The following SNAP29 variants were observed in gnomAD, a reference collection of about 807,000 sequenced individuals.
The protein encoded by SNAP29 is synaptosome associated protein 29, also known as synaptosomal-associated protein 29.
A neutral mutation model predicts 27.9 loss-of-function variants in SNAP29; 13 were observed. That is an observed-to-expected ratio of 0.47 (90% CI 0.30 to 0.74). The LOEUF is 0.74. SNAP29 is among the 30% of genes least tolerant of loss of function. The probability of loss-of-function intolerance (pLI) is 0.06; values close to 1 mark genes in which losing one functional copy is unlikely to be tolerated. For missense variants in SNAP29, 368 were observed against 336.5 expected (o/e 1.09, Z -0.73); for synonymous variants, 119 against 127.1 (o/e 0.94, Z 0.43).
chr22:20,876,962 C>T (rs1928762601), intron 2 of SNAP29, among the ~76,000 whole-genome samples: 1 of 152,208 alleles, frequency 6.6e-6, no homozygotes, highest in Non-Finnish European at 1.5e-5. Flanking sequence ...TCCTTGCTGA[C>T]AGCTTTCCAA....
chr22:20,877,548 C>T (rs1928777720), intron 2 of SNAP29, among the ~76,000 whole-genome samples: 1 of 151,784 alleles, frequency 6.6e-6, no homozygotes, highest in African/African-American at 2.4e-5. Flanking sequence ...AAGAGCAGAA[C>T]TCCCTCTAAA....
intron 2 of SNAP29, among the ~76,000 whole-genome samples, chr22:20,875,632 C>T (rs780382815): frequency 7.9e-5 from 12 of 152,074 alleles, no homozygotes; most frequent in African/African-American, 1.7e-4. Context: ...CAGGGGAAGC[C>T]GGGATGAAGG....
At chr22:20,887,605 C>T (rs1488300956) in intron 4 of SNAP29, 74 bp from the exon 5 acceptor site, 8 of 1,535,132 alleles carry the variant, frequency 5.2e-6, no homozygotes, top group Middle Eastern at 1.8e-4. Flanking sequence ...TCCCACTTAC[C>T]CACACCATCA....
chr22:20,874,365 A>C (rs1478993161), intron 2 of SNAP29, among the ~76,000 whole-genome samples: 39 of 121,050 alleles, frequency 3.2e-4, no homozygotes, highest in African/African-American at 4.8e-4. Context: ...ACACACACAC[A>C]CACACACACA....
intron 1 of SNAP29, among the ~76,000 whole-genome samples, chr22:20,866,630 A>G (rs959765964): frequency 4.6e-5 from 7 of 152,116 alleles, no homozygotes; most frequent in Non-Finnish European, 4.4e-5. Context: ...TGAAGGCCTT[A>G]GTGACATCCT....
chr22:20,870,451 G>A lies in SNAP29; in HGVS notation c.352G>A (p.Gly118Arg), dbSNP rs1470710751. 6.2e-7 allele frequency: 1 copy of A among 1,614,034 alleles called. No homozygotes were observed. The highest frequency in any genetic ancestry group is 2.2e-5 in the East Asian group (1 of 44,898). ...CAATAGCATTAAGAGCGTGTTTGGG[G>A]GGCTGGTCAATTACTTCAAATCCAA... ...HINSIKSVFG[G>R]LVNYFKSKPV... is the part of the protein sequence containing the mutation. The change falls in exon 2 of 5, where the codon GGG becomes AGG. Residue 118 changes from glycine to arginine, a missense_variant. Coordinates refer to ENST00000215730, the MANE Select transcript of SNAP29 (RefSeq NM_004782.4).
Position 20,878,962 on chromosome 22 carries a change from C to T in SNAP29, c.435-2087C>T, listed in dbSNP as rs182048906. Among the ~76,000 whole-genome samples the T allele has an allele frequency of 2.5e-3, 381 of 152,220 alleles. 1 individual carries two copies. The highest frequency in any genetic ancestry group is 8.7e-3 in the African/African-American group (361 of 41,530). On this transcript the variant is annotated intron_variant, in intron 2 of 4. Transcript: ENST00000215730. ...ATCAAAGATATTTTATAGGGACTTA[C>T]GTGATGAGAAAAAAACATACTTTCA...
At chr22:20,866,220 C>T (rs1174994120) in intron 1 of SNAP29, among the ~76,000 whole-genome samples, 1 of 152,140 alleles carries the variant, frequency 6.6e-6, no homozygotes. Context: ...CCGCCTTTGC[C>T]CTTGGTGGTT....
chr22:20,877,567 T>A (rs1013713675), intron 2 of SNAP29, among the ~76,000 whole-genome samples: 1 of 151,226 alleles, frequency 6.6e-6, no homozygotes, highest in Non-Finnish European at 1.5e-5. Flanking sequence ...AAAAAAAAAA[T>A]TAGCCGGGCG....
rs144561183 is a variant in SNAP29 at position 20,884,633 on chromosome 22, C to T, written c.619+1064C>T. 6.0e-4 allele frequency among the ~76,000 whole-genome samples: 92 copies of T among 152,242 alleles called. 1 individual carries two copies. Among genetic ancestry groups the T allele is most frequent in the East Asian group, 2.5e-3 (13 of 5,184 alleles). On this transcript the variant is annotated intron_variant, in intron 4 of 4. Transcript: ENST00000215730. ...TGTGTTTCCAGGGGGCTGCCCTGGC[C>T]GTTTGTGATTGTGTATCTGCTGGTT... is the stretch of plus-strand genomic sequence containing the variant.
chr22:20,883,420 T>C (rs1257439179), intron 3 of SNAP29, 51 bp from the exon 4 acceptor site: 1 of 1,187,152 alleles, frequency 8.4e-7, no homozygotes, highest in Non-Finnish European at 1.3e-6. Flanking sequence ...TGAAGCAGCA[T>C]TTGAAGGAAT....
chr22:20,871,053 C>T (rs1398957677), intron 2 of SNAP29: 1 of 191,232 alleles, frequency 5.2e-6, no homozygotes, highest in Admixed American at 5.4e-5. Flanking sequence ...CTCATGAGGC[C>T]TGGAGATCAA....
In SNAP29 at chr22:20,883,533, C is replaced by T. The variant is rs1928940113; in HGVS notation, c.583C>T (p.Leu195Phe). The stretch of plus-strand genomic sequence containing the variant: ...TGATGCTTACCCAAAGAACCCACAC[C>T]TTCGAGCCTATCACCAGAAGATCGA... ...STDAYPKNPH[L>F]RAYHQKIDSN... is the part of the protein sequence containing the mutation. Residue 195 changes from leucine (L) to phenylalanine (F), a missense_variant, in exon 4 of 5, where the codon CTT becomes TTT. Transcript: ENST00000215730. 3 of 1,613,552 alleles carry T rather than the reference C, an allele frequency of 1.9e-6. No homozygotes were observed. Among genetic ancestry groups the T allele is most frequent in the East Asian group, 2.2e-5 (1 of 44,868 alleles).
chr22:20,881,033 G>A lies in SNAP29; in HGVS notation c.435-16G>A. On this transcript the variant is annotated splice_polypyrimidine_tract_variant and intron_variant, in intron 2 of 4. Coordinates refer to ENST00000215730, the MANE Select transcript of SNAP29 (RefSeq NM_004782.4). The stretch of plus-strand genomic sequence containing the variant: ...CCTTTTTAAACGTTTTCTTTTTTGT[G>A]AACTTTTATCCAAAGATTGAAAGAA... 6.4e-7 allele frequency: 1 copy of A among 1,562,740 alleles called. No homozygotes were observed. Among genetic ancestry groups the A allele is most frequent in the Non-Finnish European group, 8.8e-7 (1 of 1,133,374 alleles).
intron 1 of SNAP29, among the ~76,000 whole-genome samples, chr22:20,860,482 G>A (rs1928263074): frequency 6.7e-6 from 1 of 148,666 alleles, no homozygotes; most frequent in Admixed American, 6.8e-5. Flanking sequence ...CGATTCTCCT[G>A]CCTCAGCCTC....
chr22:20,870,326 G>T lies in SNAP29; in HGVS notation c.238-11G>T. On this transcript the variant is annotated splice_polypyrimidine_tract_variant and intron_variant, in intron 1 of 4. Transcript: ENST00000215730. ...GAAAGCTATAATGCCACTGCCTCTC[G>T]GTTTCCCCAGGAGCTCGCCCGTCAG... The T allele has an allele frequency of 6.2e-7, 1 of 1,613,928 alleles. No homozygotes were observed. The highest frequency in any genetic ancestry group is 1.1e-5 in the South Asian group (1 of 91,006).
chr22:20,874,174 G>C (rs361713), intron 2 of SNAP29, among the ~76,000 whole-genome samples: 147,622 of 147,624 alleles, frequency 1, 73,810 homozygotes, highest in Middle Eastern at 1. Context: ...ACTCGGGAGG[G>C]TGAGAAATGT....
At chr22:20,866,289 A>G (rs1284037902) in intron 1 of SNAP29, among the ~76,000 whole-genome samples, 1 of 152,222 alleles carries the variant, frequency 6.6e-6, no homozygotes, top group Non-Finnish European at 1.5e-5. Context: ...CAGCTGCCAC[A>G]GTCAGAGCCC....
rs1447303166 is a variant in SNAP29, at chr22:20,889,742, A to C, written c.*1906A>C. ...ATCACCGTCAGGCATAGACTCGTGG[A>C]GATTAGTCATTATAGCTCAGACCTA... On this transcript the variant is annotated 3_prime_UTR_variant, in exon 5 of 5. Transcript: ENST00000215730. The C allele has an allele frequency of 2.0e-5, 3 of 152,218 alleles. No homozygotes were observed. The highest frequency in any genetic ancestry group is 7.2e-5 in the African/African-American group (3 of 41,448). 9.4% of individuals were successfully genotyped at this position (152,218 alleles called of 1,614,324 possible). A position where few individuals can be genotyped will look rare whatever the true frequency, so the allele number is the denominator to read the frequency against.
Sources: gnomAD v4.1 joint callset for allele counts (sites outside exome capture counted in the v4.1 genomes callset) on GRCh38, gnomAD v4.1.1 for gene constraint, MANE v1.5 for transcripts, NCBI Gene and HGNC (gene_info 2026-07-23, HGNC 2026-07-21) for gene names.